The following RPS6KA3 variants were observed in gnomAD, a reference collection of about 807,000 sequenced individuals.
RPS6KA3 encodes the protein ribosomal protein S6 kinase alpha-3.
RPS6KA3 carries 4 observed loss-of-function variants against 67.2 expected under a neutral mutation model. The ratio of observed to expected loss-of-function variants is 0.06; its 90% CI spans 0.03 to 0.14. The LOEUF (loss-of-function observed/expected upper bound fraction) is 0.14, where lower values mean the gene tolerates loss of function less well. RPS6KA3 is among the 10% of genes least tolerant of loss of function. RPS6KA3 has a pLI of 1.00. For missense variants in RPS6KA3, 204 were observed against 559.0 expected (o/e 0.36, Z 6.40); for synonymous variants, 182 against 183.7 (o/e 0.99, Z 0.07).
chrX:20,247,055 A>G (rs1412821048), intron 1 of RPS6KA3, among the ~76,000 whole-genome samples: 3 of 112,578 alleles, frequency 2.7e-5, no homozygotes, highest in Admixed American at 1.9e-4. Context: ...TTCTGAAAAG[A>G]TAACCACAAA....
In RPS6KA3 at chrX:20,221,776, A is replaced by G. The variant is rs113703971; in HGVS notation, c.127-12372T>C. 2.3e-3 allele frequency among the ~76,000 whole-genome samples: 262 copies of G among 112,790 alleles called. 2 individuals carry two copies. The highest frequency in any genetic ancestry group is 8.1e-3 in the African/African-American group (252 of 31,115). On this transcript the variant is annotated intron_variant, in intron 2 of 21. Transcript: ENST00000379565. ...TCCTATTGTTGGGTCTTTGCTCTACACGATGGTCTGTCCCATCCTTTGTAC... is the reference window on the plus strand; with the variant it reads ...TCCTATTGTTGGGTCTTTGCTCTACGCGATGGTCTGTCCCATCCTTTGTAC...
At chrX:20,183,409 C>A (rs1433370174) in intron 10 of RPS6KA3, among the ~76,000 whole-genome samples, 2 of 110,571 alleles carry the variant, frequency 1.8e-5, no homozygotes, top group East Asian at 5.7e-4. Flanking sequence ...CTCAAGTGAT[C>A]CTCCCACCTC....
At position 20,255,527 on chromosome X, in the gene RPS6KA3, C is replaced by T. The variant is rs553514162; in HGVS notation, c.69+11037G>A. On this transcript the variant is annotated intron_variant, in intron 1 of 21. Transcript: ENST00000379565. ...TTAGGCTGGGTAAGGTGGCTCATGC[C>T]TGTAATCCCAGCATTTTGGGAGGCC... 6.8e-3 allele frequency among the ~76,000 whole-genome samples: 765 copies of T among 111,786 alleles called. 4 individuals are homozygous for T. Among genetic ancestry groups the T allele is most frequent in the Middle Eastern group, 0.028 (6 of 217 alleles).
At chrX:20,249,945 G>C in intron 1 of RPS6KA3, among the ~76,000 whole-genome samples, 1 of 111,853 alleles carries the variant, frequency 8.9e-6, no homozygotes, top group East Asian at 2.8e-4. Flanking sequence ...ACGAGATTTG[G>C]GTTGAGACTT....
intron 2 of RPS6KA3, among the ~76,000 whole-genome samples, chrX:20,224,335 A>G (rs990640209): frequency 9.0e-6 from 1 of 110,838 alleles, no homozygotes; most frequent in Non-Finnish European, 1.9e-5. Flanking sequence ...GAGTATGGGG[A>G]CTGTGACAGA....
chrX:20,170,927 G>A (rs1383198127), intron 15 of RPS6KA3, among the ~76,000 whole-genome samples: 1 of 109,640 alleles, frequency 9.1e-6, no homozygotes, highest in Non-Finnish European at 1.9e-5. Context: ...GGCACATGTA[G>A]CCACGCCTGG....
chrX:20,174,561 C>G (rs977451318), intron 14 of RPS6KA3, among the ~76,000 whole-genome samples: 1 of 108,274 alleles, frequency 9.2e-6, no homozygotes, highest in Non-Finnish European at 1.9e-5. Context: ...GTTGGACAGG[C>G]TGGTCTCGAA....
intron 1 of RPS6KA3, among the ~76,000 whole-genome samples, chrX:20,263,280 C>A (rs1179003654): frequency 8.9e-6 from 1 of 112,006 alleles, no homozygotes; most frequent in Non-Finnish European, 1.9e-5. Flanking sequence ...AATGCTGTCT[C>A]TGACAGCACT....
In RPS6KA3 at chrX:20,150,963, G is replaced by A. The variant is rs1386713860; in HGVS notation, c.*4435C>T. ...AATAATGAGGAAAGTGCCTTAAGAGGTAGGAAGTAGGCTCTCATCCCAACC... is the reference window on the plus strand; with the variant it reads ...AATAATGAGGAAAGTGCCTTAAGAGATAGGAAGTAGGCTCTCATCCCAACC... On this transcript the variant is annotated 3_prime_UTR_variant, in exon 22 of 22. Coordinates refer to ENST00000379565, the MANE Select transcript of RPS6KA3 (RefSeq NM_004586.3). The A allele has an allele frequency of 8.9e-6, 1 of 112,525 alleles. No individual in the cohort carries two copies. Among genetic ancestry groups the A allele is most frequent in the Non-Finnish European group, 1.9e-5 (1 of 53,239 alleles). 9.3% of individuals were successfully genotyped at this position (112,525 alleles called of 1,213,427 possible).
At chrX:20,195,188 A>G (rs771196657) in intron 4 of RPS6KA3, 43 bp from the exon 5 acceptor site, 1 of 897,279 alleles carries the variant, frequency 1.1e-6, no homozygotes, top group Admixed American at 2.3e-5. Flanking sequence ...TATCTTTCAA[A>G]GATAATCTTC....
intron 1 of RPS6KA3, among the ~76,000 whole-genome samples, chrX:20,254,323 G>A (rs1000912339): frequency 4.5e-5 from 5 of 111,808 alleles, no homozygotes; most frequent in African/African-American, 9.7e-5. Context: ...AGTTTAGGCC[G>A]AGGAGACTCT....
At chrX:20,263,818 CAG>C (rs1388143244) in intron 1 of RPS6KA3, among the ~76,000 whole-genome samples, 2 of 111,373 alleles carry the variant, frequency 1.8e-5, no homozygotes, top group South Asian at 3.7e-4. Flanking sequence ...GCTGAGGATT[CAG>C]AGAGGGGGGG....
intron 16 of RPS6KA3, among the ~76,000 whole-genome samples, 193 bp downstream of exon 16, chrX:20,169,209 T>C (rs2067514600): frequency 8.9e-6 from 1 of 112,016 alleles, no homozygotes; most frequent in South Asian, 3.7e-4. Flanking sequence ...TGTGTTGACC[T>C]GGCTGGTCTT....
chrX:20,176,362 A>C lies in RPS6KA3; in HGVS notation c.1000-10T>G. 1.1e-6 allele frequency: 1 copy of C among 896,235 alleles called. No homozygotes were observed. Among genetic ancestry groups the C allele is most frequent in the East Asian group, 3.7e-5 (1 of 27,118 alleles). 73.9% of individuals were successfully genotyped at this position (896,235 alleles called of 1,213,427 possible). ...CTCTTCTATACAGTTTCTGGAGGGG[A>C]AAAAAAAAAGAGACTTAGACATATT... On this transcript the variant is annotated splice_polypyrimidine_tract_variant and intron_variant, in intron 12 of 21. Transcript: ENST00000379565.
intron 2 of RPS6KA3, among the ~76,000 whole-genome samples, chrX:20,209,625 C>T (rs2068659314): frequency 9.0e-6 from 1 of 111,060 alleles, no homozygotes; most frequent in Non-Finnish European, 1.9e-5. Flanking sequence ...ATGTCAGAGA[C>T]AGTTATTATA....
At chrX:20,240,535 T>A (rs1196552223) in intron 1 of RPS6KA3, 2 of 537,412 alleles carry the variant, frequency 3.7e-6, no homozygotes, top group African/African-American at 5.1e-5. Flanking sequence ...ACAAGCACTT[T>A]ATATTCTTAA....
At chrX:20,207,855 C>A (rs1359346701) in intron 3 of RPS6KA3, among the ~76,000 whole-genome samples, 1 of 111,625 alleles carries the variant, frequency 9.0e-6, no homozygotes. Flanking sequence ...TGCTAAATAC[C>A]CCCACTAAAA....
intron 10 of RPS6KA3, among the ~76,000 whole-genome samples, chrX:20,184,293 C>A (rs1315809702): frequency 1.8e-5 from 2 of 111,737 alleles, no homozygotes; most frequent in Admixed American, 9.5e-5. Context: ...AGGTGATCCA[C>A]CCGCTTTGGC....
chrX:20,175,346 C>T (rs2067672887), intron 13 of RPS6KA3, 58 bp from the exon 14 acceptor site: 1 of 1,101,595 alleles, frequency 9.1e-7, no homozygotes, highest in Non-Finnish European at 1.3e-6. Context: ...AAGGGAAAAA[C>T]TGTTGACACT....
Sources: gnomAD v4.1 joint callset for allele counts (sites outside exome capture counted in the v4.1 genomes callset) on GRCh38, gnomAD v4.1.1 for gene constraint, MANE v1.5 for transcripts, NCBI Gene and HGNC (gene_info 2026-07-23, HGNC 2026-07-21) for gene names.